The following ARHGAP20 variants were observed in gnomAD, a reference collection of about 807,000 sequenced individuals.
The protein encoded by ARHGAP20 is rho GTPase-activating protein 20.
ARHGAP20 carries 34 observed loss-of-function variants against 73.7 expected under a neutral mutation model. That is an observed-to-expected ratio of 0.46 (90% confidence interval 0.35 to 0.61). The LOEUF is 0.61. ARHGAP20 is among the 20% of genes least tolerant of loss of function. ARHGAP20 has a pLI of 0.00. For synonymous variants in ARHGAP20, 523 were observed against 518.2 expected (o/e 1.01, Z -0.13); for missense variants, 1,314 against 1,420.9 (o/e 0.92, Z 1.21).
intron 1 of ARHGAP20, 124 bp downstream of exon 1, chr11:110,712,003 G>A (rs1001008734): frequency 2.4e-6 from 3 of 1,239,434 alleles, no homozygotes; most frequent in East Asian, 3.2e-5. Context: ...TAGGGGCCGC[G>A]AGCCTCGAGC....
chr11:110,658,210 A>C (rs934169797), intron 2 of ARHGAP20, among the ~76,000 whole-genome samples: 3 of 152,208 alleles, frequency 2.0e-5, no homozygotes, highest in Non-Finnish European at 2.9e-5. Flanking sequence ...TAAGGCACTT[A>C]GCTAAACACA....
intron 9 of ARHGAP20, among the ~76,000 whole-genome samples, chr11:110,593,811 T>C (rs1947887450): frequency 6.6e-6 from 1 of 152,232 alleles, no homozygotes; most frequent in Non-Finnish European, 1.5e-5. Context: ...GAGCTTGCAA[T>C]TAAGGTTGAC....
At chr11:110,678,166 T>C (rs115807492) in intron 2 of ARHGAP20, among the ~76,000 whole-genome samples, 2 of 152,122 alleles carry the variant, frequency 1.3e-5, no homozygotes, top group African/African-American at 4.8e-5. Flanking sequence ...GTCAAAGTTA[T>C]AAACATAGAC....
At chr11:110,595,812 C>T (rs1454603746) in intron 9 of ARHGAP20, among the ~76,000 whole-genome samples, 2 of 151,508 alleles carry the variant, frequency 1.3e-5, no homozygotes, top group African/African-American at 4.9e-5. Context: ...TCATATGGAA[C>T]CAAAAAAGAG....
At chr11:110,703,548 T>C (rs1950498052) in intron 1 of ARHGAP20, among the ~76,000 whole-genome samples, 1 of 152,096 alleles carries the variant, frequency 6.6e-6, no homozygotes, top group African/African-American at 2.4e-5. Flanking sequence ...TATATATGGA[T>C]GAAAGTCCTC....
intron 9 of ARHGAP20, among the ~76,000 whole-genome samples, chr11:110,598,082 G>A (rs1400805392): frequency 3.3e-5 from 5 of 151,672 alleles, no homozygotes; most frequent in Admixed American, 6.6e-5. Flanking sequence ...TTCTTAAAAC[G>A]TTGTGTTTAT....
chr11:110,654,958 C>A (rs190208162), intron 2 of ARHGAP20, among the ~76,000 whole-genome samples: 51 of 152,260 alleles, frequency 3.3e-4, no homozygotes, highest in African/African-American at 1.1e-3. Context: ...GAGTTTCATT[C>A]TCATTCTTTA....
chr11:110,678,245 A>C (rs553511063), intron 2 of ARHGAP20, among the ~76,000 whole-genome samples: 1 of 152,338 alleles, frequency 6.6e-6, no homozygotes, highest in Admixed American at 6.5e-5. Flanking sequence ...GTGACAGCTA[A>C]TGGCTATGCA....
At chr11:110,702,054 T>C (rs1339363961) in intron 1 of ARHGAP20, among the ~76,000 whole-genome samples, 2 of 152,112 alleles carry the variant, frequency 1.3e-5, no homozygotes, top group Non-Finnish European at 2.9e-5. Context: ...TAGGATTGAC[T>C]TGGCGATGCG....
Position 110,580,737 on chromosome 11 carries a change from G to A in ARHGAP20, c.2209C>T (p.Gln737Ter). 1 of 1,613,880 alleles carries A rather than the reference G, an allele frequency of 6.2e-7. No individual in the cohort carries two copies. Among genetic ancestry groups the A allele is most frequent in the Non-Finnish European group, 8.5e-7 (1 of 1,179,952 alleles). Reference sequence around the variant, plus strand: ...TGCTTCAGATAGTCTTCATCTTTTTGAGAAAGAATTGCATCACAGCTGGAC... The same window carrying A: ...TGCTTCAGATAGTCTTCATCTTTTTAAGAAAGAATTGCATCACAGCTGGAC... ...RKSSCDAILS[Q>*]KDEDYLKQNQ... The change falls in exon 15 of 15, where the codon CAA (glutamine) becomes TAA (stop). Residue 737 changes from glutamine (Q) to a stop codon, truncating the protein, a stop_gained. Transcript: ENST00000683387. LOFTEE classifies it low-confidence loss of function (END_TRUNC).
In ARHGAP20 at chr11:110,586,315, C is replaced by T. The variant is rs1947664810; in HGVS notation, c.1316G>A (p.Arg439Gln). 3.8e-6 allele frequency: 6 copies of T among 1,569,966 alleles called. No individual in the cohort carries two copies. The highest frequency in any genetic ancestry group is 2.3e-5 in the East Asian group (1 of 43,806). ...TGAAAAAATACTTCCTGGAATATTT[C>T]GCAGAAAATCCTTAAATAGATGGAA... is the stretch of plus-strand genomic sequence containing the variant. The part of the protein sequence containing the change: ...VIASVLKDFL[R>Q]NIPGSIFSSD... Residue 439 changes from arginine to glutamine, a missense_variant, in exon 12 of 15, where the codon CGA becomes CAA. By Grantham distance (43) the Arg-to-Gln change is conservative. Around this residue, in one of 3 missense-constraint regions of ARHGAP20, gnomAD observed 230 missense variants for 317.6 expected, o/e 0.72. Coordinates refer to ENST00000683387, the MANE Select transcript of ARHGAP20 (RefSeq NM_001384657.1).
At chr11:110,582,604 A>G (rs1947503305) in intron 13 of ARHGAP20, among the ~76,000 whole-genome samples, 169 bp from the exon 14 acceptor site, 1 of 152,262 alleles carries the variant, frequency 6.6e-6, no homozygotes, top group African/African-American at 2.4e-5. Context: ...TGATACTTTT[A>G]AAAGTAGTTT....
At chr11:110,613,180 A>G (rs762578311) in intron 6 of ARHGAP20, among the ~76,000 whole-genome samples, 16 of 152,252 alleles carry the variant, frequency 1.1e-4, no homozygotes, top group Non-Finnish European at 1.8e-4. Flanking sequence ...AGTATACAAA[A>G]CAAATGAATT....
At chr11:110,627,967 A>G (rs1402880613) in intron 3 of ARHGAP20, among the ~76,000 whole-genome samples, 3 of 152,260 alleles carry the variant, frequency 2.0e-5, no homozygotes, top group African/African-American at 7.2e-5. Context: ...AAGAATTACC[A>G]TAAACTCAAA....
At chr11:110,616,686 CTTTTTTTT>C (rs58360001) in intron 4 of ARHGAP20, among the ~76,000 whole-genome samples, 1 of 140,210 alleles carries the variant, frequency 7.1e-6, no homozygotes, top group African/African-American at 2.6e-5. Context: ...ACATTTTTTT[CTTTTTTTT>C]TTTTTTTACC....
chr11:110,666,834 C>T lies in ARHGAP20; in HGVS notation c.188+23713G>A, dbSNP rs114002127. Among the ~76,000 whole-genome samples the T allele has an allele frequency of 7.3e-3, 1,105 of 152,276 alleles. 4 individuals carry two copies. Among genetic ancestry groups the T allele is most frequent in the South Asian group, 0.021 (102 of 4,826 alleles). On this transcript the variant is annotated intron_variant, in intron 2 of 14. Coordinates refer to ENST00000683387, the MANE Select transcript of ARHGAP20 (RefSeq NM_001384657.1). ...TGAATTAACACATGAGTGATAAGAA[C>T]GTGATATAGCCTTATTGCTGATACG...
intron 10 of ARHGAP20, 46 bp downstream of exon 10, chr11:110,591,931 C>T (rs1182860710): frequency 6.3e-7 from 1 of 1,588,364 alleles, no homozygotes; most frequent in South Asian, 1.1e-5. Flanking sequence ...GCTCTCCTTT[C>T]CCAAACACCC....
chr11:110,582,600 T>G (rs2134784370), intron 13 of ARHGAP20, among the ~76,000 whole-genome samples, 165 bp from the exon 14 acceptor site: 1 of 152,352 alleles, frequency 6.6e-6, no homozygotes, highest in Middle Eastern at 3.4e-3. Context: ...ACTATGATAC[T>G]TTTAAAAGTA....
intron 9 of ARHGAP20, among the ~76,000 whole-genome samples, chr11:110,596,588 G>C (rs1017193651): frequency 1.3e-4 from 20 of 152,130 alleles, no homozygotes; most frequent in South Asian, 4.2e-4. Context: ...AAACCACAAT[G>C]AGATACCATC....
Sources: gnomAD v4.1 joint callset for allele counts (sites outside exome capture counted in the v4.1 genomes callset) on GRCh38, gnomAD v4.1.1 for gene constraint, gnomAD v4.1.1 regional missense constraint, MANE v1.5 for transcripts, NCBI Gene and HGNC (gene_info 2026-07-23, HGNC 2026-07-21) for gene names.